Variants in INPP4B observed in about 807,000 individuals in gnomAD.
INPP4B encodes inositol polyphosphate-4-phosphatase type II B.
INPP4B carries 55 observed loss-of-function variants against 122.5 expected under a neutral mutation model. That is an observed-to-expected ratio of 0.45 (90% confidence interval 0.36 to 0.56). The LOEUF is 0.56. Ranked by LOEUF, INPP4B falls within the 20% of genes least tolerant of loss-of-function variation. INPP4B has a pLI of 0.00. For missense variants in INPP4B, 1,000 were observed against 1,097.7 expected, an observed-to-expected ratio of 0.91 and a Z score of 1.26; for synonymous variants, 403 against 388.7, an observed-to-expected ratio of 1.04 and a Z score of -0.43.
chr4:142,787,300 C>G (rs771325926), intron 1 of INPP4B, among the ~76,000 whole-genome samples: 57 of 152,070 alleles, frequency 3.7e-4, no homozygotes, highest in Admixed American at 1.0e-3. Flanking sequence ...GCCATGCAGT[C>G]TCTGCTCTCA....
At chr4:142,498,095 TTG>T (rs745398059) in intron 2 of INPP4B, among the ~76,000 whole-genome samples, 19 of 145,650 alleles carry the variant, frequency 1.3e-4, no homozygotes, top group South Asian at 2.1e-4. Context: ...GCAATGTATT[TTG>T]TGTGTGTGTG....
At chr4:142,473,883 C>T (rs1265231371) in intron 2 of INPP4B, among the ~76,000 whole-genome samples, 1 of 152,190 alleles carries the variant, frequency 6.6e-6, no homozygotes, top group East Asian at 1.9e-4. Flanking sequence ...TCCCGGGAAG[C>T]ACCCAGATGA....
At chr4:142,570,700 T>A (rs1732613694) in intron 2 of INPP4B, among the ~76,000 whole-genome samples, 1 of 152,000 alleles carries the variant, frequency 6.6e-6, no homozygotes, top group African/African-American at 2.4e-5. Flanking sequence ...TTTTTTCAAA[T>A]AACAAAATGC....
At chr4:142,768,290 G>A (rs1189083130) in intron 1 of INPP4B, among the ~76,000 whole-genome samples, 1 of 152,124 alleles carries the variant, frequency 6.6e-6, no homozygotes, top group Non-Finnish European at 1.5e-5. Flanking sequence ...AAATACTAAA[G>A]ACTGCTCTCA....
intron 2 of INPP4B, among the ~76,000 whole-genome samples, chr4:142,567,165 G>C (rs771195681): frequency 6.6e-6 from 1 of 152,116 alleles, no homozygotes; most frequent in Non-Finnish European, 1.5e-5. Context: ...TAGAGTTTTC[G>C]GTCTTCATTT....
chr4:142,284,011 TG>T (rs1284591185), intron 9 of INPP4B, among the ~76,000 whole-genome samples: 2 of 152,160 alleles, frequency 1.3e-5, no homozygotes, highest in African/African-American at 4.8e-5. Flanking sequence ...ATTGATCCAC[TG>T]GGCAGATATC....
intron 7 of INPP4B, among the ~76,000 whole-genome samples, chr4:142,386,761 C>T (rs1399614078): frequency 3.3e-5 from 5 of 152,166 alleles, no homozygotes; most frequent in Non-Finnish European, 5.9e-5. Flanking sequence ...CTGGGTGCTG[C>T]CCGAATCGTA....
intron 9 of INPP4B, among the ~76,000 whole-genome samples, chr4:142,294,161 C>T (rs1184764010): frequency 6.6e-6 from 1 of 151,926 alleles, no homozygotes; most frequent in Non-Finnish European, 1.5e-5. Context: ...TATCATGTAT[C>T]AAAACTACCT....
intron 9 of INPP4B, among the ~76,000 whole-genome samples, chr4:142,291,451 A>G (rs1756440120): frequency 6.6e-6 from 1 of 152,186 alleles, no homozygotes; most frequent in Non-Finnish European, 1.5e-5. Flanking sequence ...ACGGCCATCG[A>G]CAATCTTCAC....
chr4:142,126,514 C>T (rs886756502), intron 18 of INPP4B, among the ~76,000 whole-genome samples: 2 of 151,994 alleles, frequency 1.3e-5, no homozygotes, highest in African/African-American at 4.8e-5. Context: ...CTATGAAATG[C>T]CTATGTGATG....
chr4:142,613,159 TCAGAGACCTAC>T (rs923696051), intron 2 of INPP4B, among the ~76,000 whole-genome samples: 2 of 152,136 alleles, frequency 1.3e-5, no homozygotes, highest in Admixed American at 1.3e-4. Flanking sequence ...TCCCTGATGA[TCAGAGACCTAC>T]CAGTCTTTAA....
At chr4:142,414,913 TAAGA>T (rs1248775488) in intron 5 of INPP4B, among the ~76,000 whole-genome samples, 1 of 152,192 alleles carries the variant, frequency 6.6e-6, no homozygotes. Context: ...ATGTGCTGCT[TAAGA>T]AAGGATGAAA....
chr4:142,654,367 T>TTAAAAAAAAAAAAA (rs766012808), intron 2 of INPP4B: 1 of 101,000 alleles, frequency 9.9e-6, no homozygotes, highest in Admixed American at 1.2e-4. Flanking sequence ...ACTTAAAGTA[T>TTAAAAAAAAAAAAA]AAAAAAAAAA....
chr4:142,069,855 C>G (rs895609854), intron 25 of INPP4B, among the ~76,000 whole-genome samples: 1 of 151,950 alleles, frequency 6.6e-6, no homozygotes, highest in Non-Finnish European at 1.5e-5. Context: ...GCCTACCAAC[C>G]AAAAAAAGTC....
At chr4:142,576,896 A>G (rs1242375086) in intron 2 of INPP4B, among the ~76,000 whole-genome samples, 1 of 152,076 alleles carries the variant, frequency 6.6e-6, no homozygotes, top group Non-Finnish European at 1.5e-5. Flanking sequence ...TTAAAAAGCT[A>G]TAAAGAAACT....
intron 1 of INPP4B, among the ~76,000 whole-genome samples, chr4:142,834,332 C>A (rs1308325359): frequency 2.0e-5 from 3 of 152,090 alleles, no homozygotes; most frequent in Non-Finnish European, 4.4e-5. Flanking sequence ...ACTCAAATAC[C>A]AAAACCTGTC....
chr4:142,636,229 T>C (rs2150450631), intron 2 of INPP4B, among the ~76,000 whole-genome samples: 1 of 152,260 alleles, frequency 6.6e-6, no homozygotes, highest in South Asian at 2.1e-4. Context: ...GTGAGTCAAT[T>C]AAACCTCTTT....
intron 1 of INPP4B, among the ~76,000 whole-genome samples, chr4:142,818,878 T>A (rs900690960): frequency 6.6e-6 from 1 of 152,184 alleles, no homozygotes; most frequent in African/African-American, 2.4e-5. Flanking sequence ...ATAGTGTGTC[T>A]CTTCCACTGA....
chr4:142,349,351 T>A (rs1013770774), intron 7 of INPP4B, among the ~76,000 whole-genome samples: 1 of 152,028 alleles, frequency 6.6e-6, no homozygotes, highest in African/African-American at 2.4e-5. Flanking sequence ...GGATGCTTCA[T>A]TTTTGTCTGT....
Sources: allele counts gnomAD v4.1 joint callset (sites outside exome capture counted in the v4.1 genomes callset), GRCh38; gene constraint gnomAD v4.1.1; transcripts MANE v1.5; gene names NCBI Gene and HGNC (gene_info 2026-07-23, HGNC 2026-07-21).